CLASRP: variants seen among roughly 807,000 people sequenced by gnomAD.
CLASRP encodes the protein CLK4-associating serine/arginine rich protein.
A neutral mutation model predicts 99.9 loss-of-function variants in CLASRP; 52 were observed. The observed-to-expected ratio is 0.52, with a 90% confidence interval of 0.42 to 0.66. CLASRP has a LOEUF of 0.66. Among genes scored for constraint, CLASRP ranks in the 30% least tolerant of loss-of-function variants. The pLI, the probability that CLASRP is intolerant of heterozygous loss-of-function variation, is 0.00. For missense variants in CLASRP, 848 were observed against 999.2 expected, an observed-to-expected ratio of 0.85 and a Z score of 2.04; for synonymous variants, 379 against 373.0, an observed-to-expected ratio of 1.02 and a Z score of -0.18.
chr19:45,063,380 T>C (rs1301041775), intron 11 of CLASRP, among the ~76,000 whole-genome samples: 1 of 151,296 alleles, frequency 6.6e-6, no homozygotes, highest in African/African-American at 2.4e-5. Context: ...CCTCCCAGAT[T>C]ATCCATGTAT....
intron 2 of CLASRP, among the ~76,000 whole-genome samples, chr19:45,048,277 C>T (rs1971958220): frequency 6.6e-6 from 1 of 150,766 alleles, no homozygotes; most frequent in South Asian, 2.1e-4. Flanking sequence ...TGGCTCATGC[C>T]TGTAATCCCA....
intron 2 of CLASRP, among the ~76,000 whole-genome samples, chr19:45,047,253 T>G (rs2122540284): frequency 6.6e-6 from 1 of 152,082 alleles, no homozygotes; most frequent in African/African-American, 2.4e-5. Flanking sequence ...GATGTTATGC[T>G]AAGTGAAATA....
chr19:45,063,972 G>T, intron 11 of CLASRP, 40 bp from the exon 12 acceptor site: 1 of 1,561,988 alleles, frequency 6.4e-7, no homozygotes, highest in East Asian at 2.3e-5. Flanking sequence ...AAGAGGCTCC[G>T]GGAGCCTGAG....
At chr19:45,059,055 G>C (rs1972177397) in intron 7 of CLASRP, among the ~76,000 whole-genome samples, 1 of 151,764 alleles carries the variant, frequency 6.6e-6, no homozygotes, top group African/African-American at 2.4e-5. Flanking sequence ...CCCTGTCCCC[G>C]AGCTGCCTCT....
At chr19:45,044,062 A>G (rs1971867331) in intron 2 of CLASRP, among the ~76,000 whole-genome samples, 1 of 152,148 alleles carries the variant, frequency 6.6e-6, no homozygotes, top group African/African-American at 2.4e-5. Flanking sequence ...TTGTATTTTT[A>G]GTAGAGACAG....
At chr19:45,042,957 C>T (rs1971841020) in intron 2 of CLASRP, among the ~76,000 whole-genome samples, 1 of 151,994 alleles carries the variant, frequency 6.6e-6, no homozygotes, top group African/African-American at 2.4e-5. Context: ...GACATGATGC[C>T]CCACTATAAG....
chr19:45,067,941 C>G lies in CLASRP; in HGVS notation c.1668-74C>G. 8.8e-7 allele frequency: 1 copy of G among 1,137,878 alleles called. No homozygotes were observed. The highest frequency in any genetic ancestry group is 1.3e-6 in the Non-Finnish European group (1 of 746,700). The allele number at this position is 1,137,878 out of a possible 1,614,324, so 70.5% of individuals were successfully genotyped here. A position where few individuals can be genotyped will look rare whatever the true frequency, so the allele number is the denominator to read the frequency against. ...TTGGCTACCTGGTCTGAGGGCAGTG[C>G]TGAGGCTGGGGTCAGAGGTGGCAGC... is the stretch of plus-strand genomic sequence containing the variant. On this transcript the variant is annotated intron_variant, in intron 14 of 20. Transcript: ENST00000221455. This position sits in a 1 kb window ranked among gnomAD's most constrained non-coding sequence, Gnocchi z 4.9.
Position 45,067,559 on chromosome 19 carries a change from G to A in CLASRP, c.1632G>A (p.Pro544=), listed in dbSNP as rs768100074. ...PSPAREKLTR[P]AASPAVGEKL... Reference sequence around the variant, plus strand: ...CCGCAAGAGAGAAGCTGACCAGGCCGGCCGCGTCCCCTGCTGTGGGCGAGA... The same window carrying A: ...CCGCAAGAGAGAAGCTGACCAGGCCAGCCGCGTCCCCTGCTGTGGGCGAGA... Residue 544 remains proline, a synonymous_variant, in exon 14 of 21, where the codon CCG becomes CCA. Transcript: ENST00000221455. The surrounding 1 kb of genome is among the most constrained non-coding windows in gnomAD (Gnocchi z 4.9). 68 of 1,604,784 alleles carry A rather than the reference G, an allele frequency of 4.2e-5. No homozygotes were observed. The highest frequency in any genetic ancestry group is 3.9e-4 in the Admixed American group (23 of 59,630).
chr19:45,059,090 C>T lies in CLASRP; in HGVS notation c.614-178C>T, dbSNP rs1256545668. Among the ~76,000 whole-genome samples the T allele has an allele frequency of 4.6e-5, 7 of 152,144 alleles. No individual in the cohort carries two copies. In the East Asian group the frequency reaches 1.4e-3, roughly 29 times the overall value. On this transcript the variant is annotated intron_variant, in intron 7 of 20. Coordinates refer to ENST00000221455, the MANE Select transcript of CLASRP (RefSeq NM_007056.3). ...TGTCCACTGTGTGTTGTGCTCACCT[C>T]TGGCAAGCCCAGTGCCAGCCTAGGG...
Position 45,063,918 on chromosome 19 carries a change from C to T in CLASRP, c.906-94C>T, listed in dbSNP as rs1008612522. ...CGCCTGGTTTCCCGGGTCGCTGTGG[C>T]CCGCGCTGGCGCTGCTGTTGATCTG... On this transcript the variant is annotated intron_variant, in intron 11 of 20. Coordinates refer to ENST00000221455, the MANE Select transcript of CLASRP (RefSeq NM_007056.3). 13 of 1,473,630 alleles carry T rather than the reference C, an allele frequency of 8.8e-6. No homozygotes were observed. In the African/African-American group the frequency reaches 1.5e-4, roughly 18 times the overall value. 91.3% of individuals were successfully genotyped at this position (1,473,630 alleles called of 1,614,324 possible).
At chr19:45,056,709 C>T (rs2122567864) in intron 6 of CLASRP, among the ~76,000 whole-genome samples, 175 bp downstream of exon 6, 2 of 152,294 alleles carry the variant, frequency 1.3e-5, no homozygotes, top group Admixed American at 1.3e-4. Flanking sequence ...TGTCAGGGGG[C>T]CCCGGCTTGC....
chr19:45,064,307 GCCTGCGCTGA>G, intron 12 of CLASRP, 26 bp from the exon 13 acceptor site: 2 of 1,515,900 alleles, frequency 1.3e-6, no homozygotes, highest in Non-Finnish European at 1.8e-6. Flanking sequence ...CGCGGCTCAG[GCCTGCGCTGA>G]CCGGCCCTCC....
At chr19:45,052,286 G>T (rs1372970607) in intron 3 of CLASRP, 118 bp downstream of exon 3, 3 of 805,930 alleles carry the variant, frequency 3.7e-6, no homozygotes, top group Non-Finnish European at 6.2e-6. Flanking sequence ...GGACTCAGAG[G>T]CAGGGAAGGT....
Position 45,069,089 on chromosome 19 carries a change from C to G in CLASRP, c.1792C>G (p.Gln598Glu). 1.2e-6 allele frequency: 2 copies of G among 1,613,862 alleles called. No individual in the cohort carries two copies. Among genetic ancestry groups the G allele is most frequent in the Non-Finnish European group, 1.7e-6 (2 of 1,179,964 alleles). The change falls in exon 17 of 21, where the codon CAA becomes GAA. Residue 598 changes from glutamine (Q) to glutamate (E), a missense_variant. This residue lies in a region of CLASRP where 116 missense variants were observed against 162.7 expected (regional missense o/e 0.71). Transcript: ENST00000221455. Reference sequence around the variant, plus strand: ...AGTCAAGGCGGATAAGAAGGCGGCACAAGAAAAGATGATCCAGCAGGAGCA... The same window carrying G: ...AGTCAAGGCGGATAAGAAGGCGGCAGAAGAAAAGATGATCCAGCAGGAGCA... ...RQFKADKKAAQEKMIQQEHER... is the reference protein window; with the variant it reads ...RQFKADKKAAEEKMIQQEHER...
At chr19:45,068,354 C>A in intron 15 of CLASRP, 66 bp from the exon 16 acceptor site, 2 of 510,706 alleles carry the variant, frequency 3.9e-6, no homozygotes, top group Non-Finnish European at 7.7e-6. Flanking sequence ...AGGCTTTTGG[C>A]TGAGGTGGGT....
intron 2 of CLASRP, among the ~76,000 whole-genome samples, chr19:45,042,557 A>G (rs1330894006): frequency 6.6e-6 from 1 of 151,806 alleles, no homozygotes; most frequent in Non-Finnish European, 1.5e-5. Flanking sequence ...ACACACACGC[A>G]CACACATACG....
At chr19:45,063,348 A>G in intron 11 of CLASRP, among the ~76,000 whole-genome samples, 1 of 150,244 alleles carries the variant, frequency 6.7e-6, no homozygotes, top group Non-Finnish European at 1.5e-5. Flanking sequence ...CACCACACTC[A>G]GTGTTTTAGA....
intron 2 of CLASRP, among the ~76,000 whole-genome samples, chr19:45,045,867 C>G (rs533153326): frequency 6.6e-6 from 1 of 152,142 alleles, no homozygotes; most frequent in African/African-American, 2.4e-5. Context: ...AGTTTGGATC[C>G]AGGTGGAGGG....
In CLASRP at chr19:45,067,410, C is replaced by A. The variant is rs937313372; in HGVS notation, c.1483C>A (p.Arg495Ser). ...CAGGCACCACAGCAGTAGCCGCAGC[C>A]GCAGCAGCTGGTCCCTCAGCCCGTC... is the stretch of plus-strand genomic sequence containing the variant. The part of the protein sequence containing the change: ...GLRHHSSSRS[R>S]SSWSLSPSRS... Residue 495 changes from arginine to serine, a missense_variant, in exon 14 of 21, where the codon CGC becomes AGC. Coordinates refer to ENST00000221455, the MANE Select transcript of CLASRP (RefSeq NM_007056.3). This position sits in a 1 kb window ranked among gnomAD's most constrained non-coding sequence, Gnocchi z 4.9. The A allele has an allele frequency of 1.0e-5, 16 of 1,533,510 alleles. No individual in the cohort carries two copies. Among genetic ancestry groups the A allele is most frequent in the Non-Finnish European group, 1.3e-5 (15 of 1,143,182 alleles). The allele number at this position is 1,533,510 out of a possible 1,614,324, so 95.0% of individuals were successfully genotyped here.
Sources: gnomAD v4.1 joint callset for allele counts (sites outside exome capture counted in the v4.1 genomes callset) on GRCh38, gnomAD v4.1.1 for gene constraint, gnomAD v4.1.1 regional missense constraint, Gnocchi (gnomAD v3.1) non-coding constraint, MANE v1.5 for transcripts, NCBI Gene and HGNC (gene_info 2026-07-23, HGNC 2026-07-21) for gene names.